KIF16B: variants seen among roughly 807,000 people sequenced by gnomAD.
The protein encoded by KIF16B is kinesin-like protein KIF16B.
KIF16B carries 98 observed loss-of-function variants against 156.3 expected under a neutral mutation model. That is an observed-to-expected ratio of 0.63 (90% confidence interval 0.53 to 0.74). KIF16B has a LOEUF of 0.74. Ranked by LOEUF, KIF16B falls within the 30% of genes least tolerant of loss-of-function variation. The pLI, the probability that KIF16B is intolerant of heterozygous loss-of-function variation, is 0.00. For synonymous variants in KIF16B, 564 were observed against 583.7 expected (o/e 0.97, Z 0.49); for missense variants, 1,421 against 1,606.5 (o/e 0.88, Z 1.97).
At chr20:16,372,273 T>C (rs2064840218) in intron 20 of KIF16B, among the ~76,000 whole-genome samples, 1 of 152,184 alleles carries the variant, frequency 6.6e-6, no homozygotes, top group African/African-American at 2.4e-5. Context: ...CTCATTCAGA[T>C]TGAACAGCGT....
rs10567864 is a variant in KIF16B, at chr20:16,354,477, T to TACAC, written c.3621+1849_3621+1852dup. Among the ~76,000 whole-genome samples the TACAC allele has an allele frequency of 9.4e-3, 1,392 of 148,736 alleles. 4 individuals carry two copies. Among genetic ancestry groups the TACAC allele is most frequent in the Non-Finnish European group, 0.012 (797 of 67,000 alleles). Reference sequence around the variant, plus strand: ...TCACATATATGTACAAATGGAATTCTACACACACACACACACACACACACA... The same window carrying TACAC: ...TCACATATATGTACAAATGGAATTCTACACACACACACACACACACACACACACA... On this transcript the variant is annotated intron_variant, in intron 23 of 25. Transcript: ENST00000354981.
intron 19 of KIF16B, among the ~76,000 whole-genome samples, chr20:16,376,961 G>A (rs2064965536): frequency 1.3e-5 from 2 of 152,046 alleles, no homozygotes; most frequent in Admixed American, 1.3e-4. Flanking sequence ...TTGTTATTTT[G>A]TTGCTGTTTT....
chr20:16,378,753 G>T lies in KIF16B; in HGVS notation c.3197+52C>A. 2.7e-6 allele frequency: 4 copies of T among 1,470,090 alleles called. No homozygotes were observed. The South Asian group carries it at 4.2e-5, about 15-fold the overall frequency. 91.1% of individuals were successfully genotyped at this position (1,470,090 alleles called of 1,614,324 possible). ...AAACACAACATGAGGAGTGAAAAAT[G>T]AGCACTCATTTGGCACCCACTGTAT... On this transcript the variant is annotated intron_variant, in intron 19 of 25. Coordinates refer to ENST00000354981, the MANE Select transcript of KIF16B (RefSeq NM_024704.5).
chr20:16,498,301 A>T (rs2068512337), intron 10 of KIF16B, among the ~76,000 whole-genome samples: 2 of 152,076 alleles, frequency 1.3e-5, no homozygotes, highest in African/African-American at 2.4e-5. Context: ...CACTCTTAAC[A>T]TGTGAGTCCC....
At chr20:16,301,388 T>A (rs565380904) in intron 25 of KIF16B, among the ~76,000 whole-genome samples, 3 of 152,284 alleles carry the variant, frequency 2.0e-5, no homozygotes, top group Admixed American at 2.0e-4. Context: ...TAAGAGTATG[T>A]TTAATTTTGT....
At chr20:16,518,402 T>C (rs2069217403) in intron 3 of KIF16B, among the ~76,000 whole-genome samples, 2 of 152,198 alleles carry the variant, frequency 1.3e-5, no homozygotes, top group Admixed American at 1.3e-4. Flanking sequence ...TCCACCTTGC[T>C]GCCTGTCAGA....
At chr20:16,539,587 G>A (rs1357662911) in intron 1 of KIF16B, among the ~76,000 whole-genome samples, 2 of 152,106 alleles carry the variant, frequency 1.3e-5, no homozygotes. Flanking sequence ...TCCATGTGAT[G>A]TGCCTGCTCC....
intron 15 of KIF16B, among the ~76,000 whole-genome samples, chr20:16,408,405 G>A (rs763382104): frequency 2.6e-5 from 4 of 152,076 alleles, no homozygotes; most frequent in Non-Finnish European, 4.4e-5. Context: ...TAAAAAAGGT[G>A]TTTCCCATGC....
At chr20:16,561,737 C>G (rs1041118754) in intron 1 of KIF16B, among the ~76,000 whole-genome samples, 1 of 152,158 alleles carries the variant, frequency 6.6e-6, no homozygotes, top group Non-Finnish European at 1.5e-5. Context: ...ATGAAGGACA[C>G]AAAATCACTT....
intron 1 of KIF16B, among the ~76,000 whole-genome samples, chr20:16,529,394 G>C (rs559688752): frequency 6.6e-6 from 1 of 152,202 alleles, no homozygotes; most frequent in Non-Finnish European, 1.5e-5. Flanking sequence ...CACAAAGTGA[G>C]AAACTATTTC....
chr20:16,392,523 C>T (rs2065391463), intron 17 of KIF16B, among the ~76,000 whole-genome samples: 2 of 152,240 alleles, frequency 1.3e-5, no homozygotes, highest in African/African-American at 4.8e-5. Flanking sequence ...AGTTCCTCTG[C>T]CATGACGATA....
chr20:16,428,983 T>C lies in KIF16B; in HGVS notation c.1444A>G (p.Arg482Gly), dbSNP rs2066429453. The C allele has an allele frequency of 6.2e-7, 1 of 1,613,218 alleles. No individual in the cohort carries two copies. The highest frequency in any genetic ancestry group is 8.5e-7 in the Non-Finnish European group (1 of 1,179,414). ...TCTTGCTCCGTGGAAGCATCGTCTCTACCAACGTATGTCTGACCTTCCTGG... is the reference window on the plus strand; with the variant it reads ...TCTTGCTCCGTGGAAGCATCGTCTCCACCAACGTATGTCTGACCTTCCTGG... ...HLKEGQTYVG[R>G]DDASTEQDIV... The change falls in exon 14 of 26, where the codon AGA becomes GGA. Residue 482 changes from arginine (R) to glycine (G), a missense_variant. By Grantham distance (125) the Arg-to-Gly change is moderately radical. Transcript: ENST00000354981.
chr20:16,354,426 G>A (rs942144046), intron 23 of KIF16B, among the ~76,000 whole-genome samples: 9 of 151,336 alleles, frequency 5.9e-5, no homozygotes, highest in African/African-American at 1.7e-4. Context: ...CACAACTTCC[G>A]AAATTGTTTT....
chr20:16,456,188 C>G (rs901674596), intron 12 of KIF16B, among the ~76,000 whole-genome samples: 2 of 151,604 alleles, frequency 1.3e-5, no homozygotes, highest in African/African-American at 4.9e-5. Context: ...CTGGCCTAAT[C>G]TGGGAAAAGA....
chr20:16,494,453 T>A, intron 11 of KIF16B, 103 bp from the exon 12 acceptor site: 2 of 695,484 alleles, frequency 2.9e-6, no homozygotes, highest in Non-Finnish European at 4.7e-6. Context: ...TACTATAATT[T>A]TTTAAATGAG....
intron 1 of KIF16B, among the ~76,000 whole-genome samples, chr20:16,556,690 C>A (rs1369589582): frequency 1.3e-5 from 2 of 152,190 alleles, no homozygotes; most frequent in Non-Finnish European, 2.9e-5. Flanking sequence ...GACCTCCCTG[C>A]ACCCATTGCA....
rs201610127 is a variant in KIF16B at position 16,380,120 on chromosome 20, C to T, written c.1882G>A (p.Ala628Thr). 9.5e-5 allele frequency: 144 copies of T among 1,517,524 alleles called. No homozygotes were observed. Among genetic ancestry groups the T allele is most frequent in the Middle Eastern group, 3.6e-4 (2 of 5,604 alleles). 94.0% of individuals were successfully genotyped at this position (1,517,524 alleles called of 1,614,324 possible). The change falls in exon 19 of 26, where the codon GCT becomes ACT. Residue 628 changes from alanine (A) to threonine (T), a missense_variant. Ala to Thr is a moderately conservative substitution (Grantham distance 58). Transcript: ENST00000354981. ...TCCTGCTGCATCCGCTCCAGTTCAG[C>T]CTTGTCTGATTTCTGCTTTTCCTCC... is the stretch of plus-strand genomic sequence containing the variant. ...EMEEKQKSDK[A>T]ELERMQQEVE...
intron 1 of KIF16B, among the ~76,000 whole-genome samples, chr20:16,549,102 CAT>C (rs2070533075): frequency 6.8e-6 from 1 of 147,188 alleles, no homozygotes; most frequent in Admixed American, 6.9e-5. Flanking sequence ...AGGTTAGTTA[CAT>C]ATGTATACAT....
chr20:16,356,431 C>T lies in KIF16B; in HGVS notation c.3520G>A (p.Gly1174Ser), dbSNP rs777992738. 3 of 1,613,984 alleles carry T rather than the reference C, an allele frequency of 1.9e-6. No individual in the cohort carries two copies. The highest frequency in any genetic ancestry group is 1.7e-5 in the Admixed American group (1 of 60,006). Reference sequence around the variant, plus strand: ...TCCTTCAGGTCATCTGGATTTGCGCCCAAAGAGCGAGAAACCATCCGCTAT... The same window carrying T: ...TCCTTCAGGTCATCTGGATTTGCGCTCAAAGAGCGAGAAACCATCCGCTAT... The part of the protein sequence containing the change: ...KYERMVSRSL[G>S]ANPDDLKDPI... The change falls in exon 23 of 26, where the codon GGC becomes AGC. Residue 1174 changes from glycine (G) to serine (S), a missense_variant. Gly to Ser is a moderately conservative substitution (Grantham distance 56, BLOSUM62 0). Coordinates refer to ENST00000354981, the MANE Select transcript of KIF16B (RefSeq NM_024704.5).
Sources: allele counts gnomAD v4.1 joint callset (sites outside exome capture counted in the v4.1 genomes callset), GRCh38; gene constraint gnomAD v4.1.1; transcripts MANE v1.5; gene names NCBI Gene and HGNC (gene_info 2026-07-23, HGNC 2026-07-21).